Variants in CRIM1 observed in about 807,000 individuals in gnomAD.
The protein encoded by CRIM1 is cysteine rich transmembrane BMP regulator 1.
Under a neutral mutation model 116.4 loss-of-function variants are expected in CRIM1, and 32 were observed. That is an observed-to-expected ratio of 0.27 (90% confidence interval 0.21 to 0.37). The LOEUF (loss-of-function observed/expected upper bound fraction) is 0.37. CRIM1 is among the 10% of genes least tolerant of loss of function. The pLI is 1.00. For missense variants in CRIM1, 1,331 were observed against 1,354.8 expected (o/e 0.98, Z 0.28); for synonymous variants, 590 against 509.2 (o/e 1.16, Z -2.13).
chr2:36,390,157 T>C (rs1436050755), intron 1 of CRIM1, among the ~76,000 whole-genome samples: 1 of 152,068 alleles, frequency 6.6e-6, no homozygotes. Context: ...AGACTGAATG[T>C]AGCTATTGGA....
At chr2:36,436,502 C>T (rs975192095) in intron 2 of CRIM1, among the ~76,000 whole-genome samples, 2 of 152,098 alleles carry the variant, frequency 1.3e-5, no homozygotes, top group African/African-American at 4.8e-5. Context: ...AAAGTAAGTG[C>T]TGGAAATTTG....
At position 36,550,214 on chromosome 2, in the gene CRIM1, C is replaced by T. The variant is rs1437733997; in HGVS notation, c.*1513C>T. 6.7e-6 allele frequency: 1 copy of T among 150,174 alleles called. No individual in the cohort carries two copies. Among genetic ancestry groups the T allele is most frequent in the East Asian group, 2.0e-4 (1 of 5,064 alleles). The allele number at this position is 150,174 out of a possible 1,614,324, so 9.3% of individuals were successfully genotyped here. A position where few individuals can be genotyped will look rare whatever the true frequency, so the allele number is the denominator to read the frequency against. On this transcript the variant is annotated 3_prime_UTR_variant, in exon 17 of 17. Coordinates refer to ENST00000280527, the MANE Select transcript of CRIM1 (RefSeq NM_016441.3). ...AGACATTGATGGCAGTTCTTATCTG[C>T]ATCACTAATCAGCTCCTGGATTTTT...
At chr2:36,455,641 A>C (rs1286673102) in intron 4 of CRIM1, among the ~76,000 whole-genome samples, 1 of 152,208 alleles carries the variant, frequency 6.6e-6, no homozygotes, top group Middle Eastern at 3.2e-3. Flanking sequence ...CCAGTGGTCA[A>C]CTTGGAGAAT....
At chr2:36,479,794 G>A (rs1402424702) in intron 7 of CRIM1, 100 bp downstream of exon 7, 28 of 1,205,246 alleles carry the variant, frequency 2.3e-5, no homozygotes, top group African/African-American at 4.5e-5. Flanking sequence ...TGGGCATAAT[G>A]TCTGCTTCAC....
chr2:36,512,116 G>A (rs1664728417), intron 9 of CRIM1, among the ~76,000 whole-genome samples, 157 bp from the exon 10 acceptor site: 2 of 152,220 alleles, frequency 1.3e-5, no homozygotes, highest in Admixed American at 1.3e-4. Context: ...AATGGCCACA[G>A]GGAGCTAATT....
At chr2:36,480,516 A>G (rs1269832687) in intron 7 of CRIM1, among the ~76,000 whole-genome samples, 4 of 152,238 alleles carry the variant, frequency 2.6e-5, no homozygotes, top group Admixed American at 6.5e-5. Context: ...GGATCTTTCT[A>G]GAATTTCTAA....
chr2:36,484,147 C>A (rs1679635497), intron 7 of CRIM1, among the ~76,000 whole-genome samples: 1 of 152,180 alleles, frequency 6.6e-6, no homozygotes, highest in Non-Finnish European at 1.5e-5. Flanking sequence ...CCAGTTCAGC[C>A]CCTGAAGTCC....
chr2:36,443,412 A>G (rs1266690538), intron 4 of CRIM1, among the ~76,000 whole-genome samples: 6 of 152,070 alleles, frequency 3.9e-5, no homozygotes, highest in African/African-American at 7.2e-5. Flanking sequence ...GGCTTTGGGG[A>G]AGACTGTTCT....
chr2:36,508,515 A>G (rs945684781), intron 8 of CRIM1, among the ~76,000 whole-genome samples: 1 of 152,150 alleles, frequency 6.6e-6, no homozygotes, highest in African/African-American at 2.4e-5. Context: ...ATAAAATAAA[A>G]ATTTGTTCAT....
At chr2:36,413,832 T>G (rs1385289626) in intron 2 of CRIM1, among the ~76,000 whole-genome samples, 1 of 152,180 alleles carries the variant, frequency 6.6e-6, no homozygotes, top group Non-Finnish European at 1.5e-5. Flanking sequence ...AGTGTATGTA[T>G]TTGGATGGGG....
intron 1 of CRIM1, chr2:36,378,977 T>C (rs1670529033): frequency 6.6e-6 from 1 of 152,274 alleles, no homozygotes; most frequent in South Asian, 2.1e-4. Flanking sequence ...AAATGAATTC[T>C]GTAACAGGAT....
At chr2:36,544,330 T>C in intron 14 of CRIM1, 46 bp from the exon 15 acceptor site, 5 of 1,317,178 alleles carry the variant, frequency 3.8e-6, no homozygotes, top group Non-Finnish European at 3.9e-6. Context: ...AAGCCAACAA[T>C]ACAGCAGCTT....
intron 1 of CRIM1, among the ~76,000 whole-genome samples, chr2:36,375,011 G>A (rs759135992): frequency 7.0e-6 from 1 of 142,102 alleles, no homozygotes; most frequent in South Asian, 2.2e-4. Flanking sequence ...TTTTTTTTTT[G>A]TAGCATATTA....
intron 6 of CRIM1, among the ~76,000 whole-genome samples, chr2:36,478,915 G>GA (rs1278317206): frequency 1.3e-5 from 2 of 151,990 alleles, no homozygotes; most frequent in Admixed American, 6.6e-5. Context: ...ACTTATGGGA[G>GA]AAAAAATGGC....
intron 1 of CRIM1, among the ~76,000 whole-genome samples, chr2:36,395,968 C>G (rs887013671): frequency 6.6e-6 from 1 of 152,174 alleles, no homozygotes; most frequent in African/African-American, 2.4e-5. Flanking sequence ...CCCTGTTTCC[C>G]AGACCGGAAT....
intron 13 of CRIM1, among the ~76,000 whole-genome samples, chr2:36,536,221 C>T (rs182423814): frequency 6.6e-6 from 1 of 152,290 alleles, no homozygotes; most frequent in African/African-American, 2.4e-5. Context: ...GGCTTCTCGT[C>T]GTGCCCTGAG....
rs370781589 is a variant in CRIM1, at chr2:36,509,669, A to G, written c.1502-314A>G. On this transcript the variant is annotated intron_variant, in intron 8 of 16. Coordinates refer to ENST00000280527, the MANE Select transcript of CRIM1 (RefSeq NM_016441.3). ...TTGAAGTGATTTATAAAGTTCATGG[A>G]AAAATGATCTCAGTCATTAATTGTA... Among the ~76,000 whole-genome samples the G allele has an allele frequency of 1.2e-4, 18 of 152,364 alleles. No homozygotes were observed. In the East Asian group the frequency reaches 2.9e-3, roughly 24 times the overall value.
intron 4 of CRIM1, among the ~76,000 whole-genome samples, chr2:36,458,568 GTTATATAATTA>G (rs1400463616): frequency 6.6e-5 from 10 of 152,110 alleles, no homozygotes; most frequent in Non-Finnish European, 1.5e-4. Flanking sequence ...GGAAAAAAAA[GTTATATAATTA>G]TTATGCCCCC....
At chr2:36,475,780 T>C (rs1678926192) in intron 5 of CRIM1, among the ~76,000 whole-genome samples, 1 of 152,228 alleles carries the variant, frequency 6.6e-6, no homozygotes. Context: ...TGAGCATTTT[T>C]ATCATGAAAG....
Sources: gnomAD v4.1 joint callset for allele counts (sites outside exome capture counted in the v4.1 genomes callset) on GRCh38, gnomAD v4.1.1 for gene constraint, MANE v1.5 for transcripts, NCBI Gene and HGNC (gene_info 2026-07-23, HGNC 2026-07-21) for gene names.